The following C2CD3 variants were observed in gnomAD, a reference collection of about 807,000 sequenced individuals.
C2CD3 encodes C2 domain-containing protein 3.
Under a neutral mutation model 234.0 loss-of-function variants are expected in C2CD3, and 148 were observed. That is an observed-to-expected ratio of 0.63 (90% CI 0.55 to 0.72). C2CD3 has a LOEUF of 0.72. Ranked by LOEUF, C2CD3 falls within the 30% of genes least tolerant of loss-of-function variation. The pLI, the probability that C2CD3 is intolerant of heterozygous loss-of-function variation, is 0.00. For synonymous variants in C2CD3, 1,000 were observed against 1,035.4 expected (o/e 0.97, Z 0.66); for missense variants, 2,577 against 2,811.5 (o/e 0.92, Z 1.89).
chr11:74,090,907 G>A lies in C2CD3; in HGVS notation c.3547C>T (p.Arg1183Cys), dbSNP rs775320430. The A allele has an allele frequency of 4.3e-6, 7 of 1,614,006 alleles. No homozygotes were observed. The highest frequency in any genetic ancestry group is 4.5e-5 in the East Asian group (2 of 44,860). ...ACTCCCTCTGCTGTTCTTGGACTAC[G>A]CCTGTACCTTAGGCCCACATCCAGT... ...GLLDVGLRYR[R>C]SPRTAEGVLA... Residue 1183 changes from arginine to cysteine, a missense_variant, in exon 20 of 33, where the codon CGT (arginine) becomes TGT (cysteine). By Grantham distance (180) the Arg-to-Cys change is radical. Coordinates refer to ENST00000334126, the MANE Select transcript of C2CD3 (RefSeq NM_001286577.2).
At chr11:74,060,145 G>A (rs577596626) in intron 24 of C2CD3, among the ~76,000 whole-genome samples, 11 of 152,358 alleles carry the variant, frequency 7.2e-5, no homozygotes, top group East Asian at 1.9e-4. Context: ...GGAGCCCATC[G>A]CAGCTCAAGG....
chr11:74,054,241 C>T (rs1953844325), intron 26 of C2CD3, among the ~76,000 whole-genome samples: 1 of 145,476 alleles, frequency 6.9e-6, no homozygotes, highest in Non-Finnish European at 1.5e-5. Context: ...CACTGCCCTC[C>T]AGCCTGGGCA....
rs180771420 is a variant in C2CD3, at chr11:74,034,551, G to A, written c.5882-273C>T. The A allele has an allele frequency of 6.6e-4, 1,064 of 1,613,442 alleles. 2 individuals carry two copies. The highest frequency in any genetic ancestry group is 1.1e-3 in the Admixed American group (64 of 60,002). On this transcript the variant is annotated intron_variant, in intron 30 of 32. Transcript: ENST00000334126. Reference sequence around the variant, plus strand: ...GACTATCTGCTCATGCTCAGGAATCGTTGGGAGCTGGGAGTCCTGGTGGGC... The same window carrying A: ...GACTATCTGCTCATGCTCAGGAATCATTGGGAGCTGGGAGTCCTGGTGGGC...
At chr11:74,133,387 A>C (rs773456952) in intron 6 of C2CD3, 38 bp downstream of exon 6, 1 of 1,586,096 alleles carries the variant, frequency 6.3e-7, no homozygotes, top group East Asian at 2.2e-5. Flanking sequence ...AACTATTAAG[A>C]AATGAACTGT....
intron 3 of C2CD3, among the ~76,000 whole-genome samples, 160 bp from the exon 4 acceptor site, chr11:74,139,988 T>G (rs571656267): frequency 1.5e-4 from 18 of 122,508 alleles, no homozygotes; most frequent in African/African-American, 5.8e-4. Context: ...CCCCATTCCC[T>G]AGAGGATTGT....
intron 7 of C2CD3, among the ~76,000 whole-genome samples, chr11:74,124,951 G>A (rs959900303): frequency 2.6e-5 from 4 of 152,122 alleles, no homozygotes; most frequent in Admixed American, 1.3e-4. Flanking sequence ...AAATTTGCCT[G>A]TGTTCCTTGG....
At chr11:74,124,199 G>T (rs1458059961) in intron 7 of C2CD3, among the ~76,000 whole-genome samples, 1 of 151,958 alleles carries the variant, frequency 6.6e-6, no homozygotes. Context: ...ATGATGCCAG[G>T]TACTGTAATA....
chr11:74,161,402 G>C lies in C2CD3; in HGVS notation c.480C>G (p.Leu160=). The C allele has an allele frequency of 6.4e-7, 1 of 1,556,634 alleles. No homozygotes were observed. The highest frequency in any genetic ancestry group is 8.7e-7 in the Non-Finnish European group (1 of 1,152,126). Residue 160 remains leucine, a synonymous_variant, in exon 3 of 33, where the codon CTC becomes CTG. Coordinates refer to ENST00000334126, the MANE Select transcript of C2CD3 (RefSeq NM_001286577.2). The part of the protein sequence containing the change: ...VSSTSKKLGE[L]QVSLALEPLS... ...AATAATTAAAATATATTTTTACCTG[G>C]AGTTCTCCAAGTTTCTTAGACGTTG...
At chr11:74,029,956 A>C (rs1262176550) in intron 31 of C2CD3, among the ~76,000 whole-genome samples, 1 of 152,134 alleles carries the variant, frequency 6.6e-6, no homozygotes, top group East Asian at 1.9e-4. Context: ...GAATTTTGCC[A>C]TGTTACCCAG....
At chr11:74,162,050 A>C (rs1856513195) in intron 2 of C2CD3, among the ~76,000 whole-genome samples, 1 of 152,102 alleles carries the variant, frequency 6.6e-6, no homozygotes. Context: ...TCCTGGCCTC[A>C]AGTGATCCCC....
chr11:74,114,524 A>G lies in C2CD3; in HGVS notation c.1590T>C (p.Asp530=), dbSNP rs1251106290. The change falls in exon 10 of 33, where the codon GAT becomes GAC. Residue 530 remains aspartate (D), a synonymous_variant. Transcript: ENST00000334126. Reference sequence around the variant, plus strand: ...GTGTTCTACCCAAAAGGGCCAGTCTATCCACACTTAGTGTCATCGTTTGGG... The same window carrying G: ...GTGTTCTACCCAAAAGGGCCAGTCTGTCCACACTTAGTGTCATCGTTTGGG... The part of the protein sequence containing the change: ...EDAQTMTLSV[D]RLALLGRTHS... 6.2e-7 allele frequency: 1 copy of G among 1,613,950 alleles called. No homozygotes were observed. The highest frequency in any genetic ancestry group is 8.5e-7 in the Non-Finnish European group (1 of 1,179,872).
At chr11:74,143,057 A>G (rs1854913416) in intron 3 of C2CD3, among the ~76,000 whole-genome samples, 1 of 152,062 alleles carries the variant, frequency 6.6e-6, no homozygotes, top group East Asian at 1.9e-4. Context: ...TTTTGGTGCT[A>G]TCTCTAGACC....
At chr11:74,138,681 C>T (rs1000368019) in intron 5 of C2CD3, 39 bp downstream of exon 5, 25 of 1,545,666 alleles carry the variant, frequency 1.6e-5, no homozygotes, top group African/African-American at 1.2e-4. Flanking sequence ...ATCCCATAAA[C>T]GTAGTTTAGT....
chr11:74,042,380 G>A (rs1953109480), intron 28 of C2CD3, among the ~76,000 whole-genome samples, 162 bp from the exon 29 acceptor site: 1 of 152,058 alleles, frequency 6.6e-6, no homozygotes. Context: ...GATTATAAAT[G>A]TCTCCAAAAT....
At chr11:74,030,328 T>C (rs1223153616) in intron 31 of C2CD3, among the ~76,000 whole-genome samples, 1 of 152,200 alleles carries the variant, frequency 6.6e-6, no homozygotes, top group Non-Finnish European at 1.5e-5. Flanking sequence ...GCTATTCTTA[T>C]CTCCTCAGTT....
chr11:74,151,209 C>A (rs1855631359), intron 3 of C2CD3, among the ~76,000 whole-genome samples: 1 of 152,196 alleles, frequency 6.6e-6, no homozygotes, highest in Non-Finnish European at 1.5e-5. Flanking sequence ...CAGGCGTCAG[C>A]CACAGCGCCT....
chr11:74,105,307 G>T (rs1016183252), intron 13 of C2CD3, among the ~76,000 whole-genome samples: 1 of 151,802 alleles, frequency 6.6e-6, no homozygotes, highest in African/African-American at 2.4e-5. Flanking sequence ...GTCTTGCTCT[G>T]TCGCCCAGGC....
At chr11:74,027,600 T>C (rs1017850788) in intron 32 of C2CD3, among the ~76,000 whole-genome samples, 13 of 152,218 alleles carry the variant, frequency 8.5e-5, no homozygotes, top group African/African-American at 2.9e-4. Flanking sequence ...CTCATCAGTC[T>C]ATAAATATTT....
intron 28 of C2CD3, among the ~76,000 whole-genome samples, chr11:74,045,460 G>C (rs1953315265): frequency 6.6e-6 from 1 of 152,186 alleles, no homozygotes. Flanking sequence ...GGATTGTGTT[G>C]AATCTGTAGA....
Sources: allele counts gnomAD v4.1 joint callset (sites outside exome capture counted in the v4.1 genomes callset), GRCh38; gene constraint gnomAD v4.1.1; transcripts MANE v1.5; gene names NCBI Gene and HGNC (gene_info 2026-07-23, HGNC 2026-07-21).